CLEC16A: variants seen among roughly 807,000 people sequenced by gnomAD.
The protein encoded by CLEC16A is C-type lectin domain containing 16A, also known as protein CLEC16A.
A neutral mutation model predicts 109.5 loss-of-function variants in CLEC16A; 51 were observed. The ratio of observed to expected loss-of-function variants is 0.47; its 90% CI spans 0.37 to 0.59. CLEC16A has a LOEUF of 0.59. CLEC16A is among the 20% of genes least tolerant of loss of function. CLEC16A has a pLI of 0.00. For synonymous variants in CLEC16A, 673 were observed against 564.2 expected (o/e 1.19, Z -2.73); for missense variants, 1,339 against 1,394.0 (o/e 0.96, Z 0.63).
chr16:11,004,370 G>A (rs151201686), intron 11 of CLEC16A, among the ~76,000 whole-genome samples: 2 of 152,300 alleles, frequency 1.3e-5, no homozygotes, highest in Non-Finnish European at 2.9e-5. Context: ...TAGAAGTGGA[G>A]CTGGGGCTCT....
intron 19 of CLEC16A, among the ~76,000 whole-genome samples, chr16:11,063,495 G>C (rs541910038): frequency 6.6e-6 from 1 of 151,996 alleles, no homozygotes; most frequent in Non-Finnish European, 1.5e-5. Context: ...AGCTGACTCC[G>C]GGAGAAATGT....
Position 10,954,362 on chromosome 16 carries a change from C to G in CLEC16A, c.81-3420C>G, listed in dbSNP as rs1205350877. ...GTGGGGGCTCCTAGAATCTTTTTTT[C>G]AGGACTTACCGCCCTGCCCTCTCTG... On this transcript the variant is annotated intron_variant, in intron 1 of 23. Transcript: ENST00000409790. This position sits in a 1 kb window ranked among gnomAD's most constrained non-coding sequence, Gnocchi z 4.2. 6.6e-6 allele frequency among the ~76,000 whole-genome samples: 1 copy of G among 152,142 alleles called. No homozygotes were observed. The highest frequency in any genetic ancestry group is 2.4e-5 in the African/African-American group (1 of 41,424).
In CLEC16A at chr16:10,955,743, G is replaced by A. The variant is rs150259762; in HGVS notation, c.81-2039G>A. 2.3e-3 allele frequency among the ~76,000 whole-genome samples: 349 copies of A among 152,306 alleles called. 1 individual carries two copies. The highest frequency in any genetic ancestry group is 7.7e-3 in the African/African-American group (322 of 41,564). On this transcript the variant is annotated intron_variant, in intron 1 of 23. Transcript: ENST00000409790. ...TGCTAATAGATGTACACAGAAGAGA[G>A]GAGGGAGAATCTGCCCTTCTCCCAT...
At chr16:11,150,544 G>T (rs1489357775) in intron 22 of CLEC16A, among the ~76,000 whole-genome samples, 3 of 152,206 alleles carry the variant, frequency 2.0e-5, no homozygotes, top group Non-Finnish European at 4.4e-5. Flanking sequence ...AGTACAAGAA[G>T]CAGAACTGCC....
chr16:11,023,833 C>G (rs559161745), intron 12 of CLEC16A, among the ~76,000 whole-genome samples: 1 of 152,282 alleles, frequency 6.6e-6, no homozygotes, highest in Non-Finnish European at 1.5e-5. Context: ...TTCTCTTGGC[C>G]TCAGCCTGGC....
intron 19 of CLEC16A, among the ~76,000 whole-genome samples, chr16:11,116,320 A>T (rs1325322843): frequency 6.6e-6 from 1 of 152,190 alleles, no homozygotes; most frequent in African/African-American, 2.4e-5. Flanking sequence ...ACTTGAACCC[A>T]GGAGGCAGAG....
At chr16:11,157,721 G>A (rs1469481063) in intron 22 of CLEC16A, among the ~76,000 whole-genome samples, 2 of 152,144 alleles carry the variant, frequency 1.3e-5, no homozygotes, top group Non-Finnish European at 2.9e-5. Flanking sequence ...GGCCCATGTC[G>A]GTGTGCTGTT....
Position 11,061,037 on chromosome 16 carries a change from C to T in CLEC16A, c.2116+15C>T. ...CCTGGATCTGAGTGAGTTGGCTGCT[C>T]TGAGTCACAGCAGGGGGCTGGGGGA... On this transcript the variant is annotated intron_variant, in intron 19 of 23. Coordinates refer to ENST00000409790, the MANE Select transcript of CLEC16A (RefSeq NM_015226.3). 6.3e-7 allele frequency: 1 copy of T among 1,596,340 alleles called. No individual in the cohort carries two copies. The highest frequency in any genetic ancestry group is 8.5e-7 in the Non-Finnish European group (1 of 1,172,694).
chr16:10,946,700 C>T (rs1166298930), intron 1 of CLEC16A, among the ~76,000 whole-genome samples: 1 of 152,006 alleles, frequency 6.6e-6, no homozygotes, highest in Non-Finnish European at 1.5e-5. Flanking sequence ...TTTTAAATTA[C>T]CTTAATTTAT....
chr16:10,988,554 C>G (rs547285551), intron 10 of CLEC16A, among the ~76,000 whole-genome samples: 1 of 152,316 alleles, frequency 6.6e-6, no homozygotes, highest in South Asian at 2.1e-4. Context: ...TCGTGACATT[C>G]TTGTAATGAC....
intron 4 of CLEC16A, 145 bp from the exon 5 acceptor site, chr16:10,970,980 C>A: frequency 1.6e-6 from 1 of 612,552 alleles, no homozygotes; most frequent in South Asian, 2.1e-5. Context: ...TGGGAATGAA[C>A]CACTGACTTA....
At chr16:10,990,901 G>C (rs2043967345) in intron 10 of CLEC16A, among the ~76,000 whole-genome samples, 1 of 152,208 alleles carries the variant, frequency 6.6e-6, no homozygotes, top group African/African-American at 2.4e-5. Flanking sequence ...GAGTGGGCCA[G>C]CCTCTTCGGA....
chr16:11,117,210 G>A (rs980325976), intron 19 of CLEC16A, among the ~76,000 whole-genome samples: 1 of 152,058 alleles, frequency 6.6e-6, no homozygotes, highest in East Asian at 1.9e-4. Flanking sequence ...AAAAACTGTT[G>A]GGTACTATGC....
At chr16:11,042,021 G>C (rs2152854604) in intron 14 of CLEC16A, 1 of 504,158 alleles carries the variant, frequency 2.0e-6, no homozygotes, top group East Asian at 3.3e-5. Flanking sequence ...TGTCAGTAAA[G>C]GGACTTCAGG....
chr16:10,951,425 C>G (rs1238425591), intron 1 of CLEC16A, among the ~76,000 whole-genome samples: 1 of 152,050 alleles, frequency 6.6e-6, no homozygotes, highest in African/African-American at 2.4e-5. Flanking sequence ...GCATTCATAA[C>G]CTCATGTAAA....
intron 19 of CLEC16A, among the ~76,000 whole-genome samples, chr16:11,069,062 G>T (rs534445668): frequency 6.6e-6 from 1 of 150,738 alleles, no homozygotes; most frequent in Non-Finnish European, 1.5e-5. Flanking sequence ...CAAACTCCTG[G>T]CCTCAAATAG....
At chr16:11,169,272 A>G (rs1567415619) in intron 23 of CLEC16A, among the ~76,000 whole-genome samples, 1 of 151,952 alleles carries the variant, frequency 6.6e-6, no homozygotes, top group East Asian at 1.9e-4. Flanking sequence ...CTTCTTTGCC[A>G]TTGATTTGTT....
At chr16:10,973,744 G>T (rs1022708591) in intron 7 of CLEC16A, among the ~76,000 whole-genome samples, 59 of 151,298 alleles carry the variant, frequency 3.9e-4, no homozygotes, top group Non-Finnish European at 6.2e-4. Context: ...TAATTTTTTT[G>T]ATTTTTAGTA....
At chr16:11,090,441 T>C (rs955224310) in intron 19 of CLEC16A, among the ~76,000 whole-genome samples, 6 of 152,180 alleles carry the variant, frequency 3.9e-5, no homozygotes. Context: ...AGTTCTTCCA[T>C]ACCAGATGTC....
Sources: gnomAD v4.1 joint callset for allele counts (sites outside exome capture counted in the v4.1 genomes callset) on GRCh38, gnomAD v4.1.1 for gene constraint, Gnocchi (gnomAD v3.1) non-coding constraint, MANE v1.5 for transcripts, NCBI Gene and HGNC (gene_info 2026-07-23, HGNC 2026-07-21) for gene names.